Variants in SLC17A1 observed in about 807,000 individuals in gnomAD.
SLC17A1 encodes the protein sodium-dependent phosphate transport protein 1.
A neutral mutation model predicts 53.5 loss-of-function variants in SLC17A1; 51 were observed. The ratio of observed to expected loss-of-function variants is 0.95; its 90% confidence interval spans 0.76 to 1.20. The LOEUF (loss-of-function observed/expected upper bound fraction) is 1.20. Ranked by LOEUF, SLC17A1 falls within the 50% of genes most tolerant of loss-of-function variation. SLC17A1 has a pLI of 0.00. For synonymous variants in SLC17A1, 179 were observed against 198.8 expected (o/e 0.90, Z 0.84); for missense variants, 538 against 568.2 (o/e 0.95, Z 0.54).
the SLC17A1 span, among the ~76,000 whole-genome samples, chr6:25,729,704 C>CT: frequency 5.9e-5 from 9 of 151,272 alleles, no homozygotes; most frequent in African/African-American, 1.5e-4. Context: ...TATTTTTTAA[C>CT]TTTTTTTGTT....
chr6:25,730,221 C>A, the SLC17A1 span, among the ~76,000 whole-genome samples: 2 of 152,106 alleles, frequency 1.3e-5, no homozygotes, highest in Non-Finnish European at 2.9e-5. Flanking sequence ...ATGTTCATTG[C>A]AGAATTATTC....
At chr6:25,796,105 T>C (rs1235213241) in intron 12 of SLC17A1, among the ~76,000 whole-genome samples, 2 of 152,184 alleles carry the variant, frequency 1.3e-5, no homozygotes, top group Non-Finnish European at 2.9e-5. Context: ...AAATAGAGGA[T>C]AAACCTTCGC....
rs202177248 is a variant in SLC17A1 at position 25,811,368 on chromosome 6, G to GT, written c.1178+29dup. On this transcript the variant is annotated intron_variant, in intron 10 of 12. Coordinates refer to ENST00000244527, the MANE Select transcript of SLC17A1 (RefSeq NM_005074.5). ...TATATACAATATTTATTTGTTAAAG[G>GT]TTAAAAAAAAGCGTATAAACAAATC... The GT allele has an allele frequency of 1.9e-3, 3,034 of 1,576,104 alleles. 42 individuals carry two copies. In the African/African-American group the frequency reaches 0.036, roughly 18 times the overall value.
intron 8 of SLC17A1, among the ~76,000 whole-genome samples, chr6:25,812,413 T>C (rs9467613): frequency 0.068 from 10,396 of 152,268 alleles, 394 homozygotes; most frequent in Non-Finnish European, 0.087. Context: ...GACTTGAGTC[T>C]TGGCTTCATA....
At chr6:25,828,381 A>C (rs1764827568) in intron 2 of SLC17A1, among the ~76,000 whole-genome samples, 1 of 152,140 alleles carries the variant, frequency 6.6e-6, no homozygotes. Context: ...GCACATTCAT[A>C]GTTAACTAAG....
chr6:25,819,054 A>G lies in SLC17A1; in HGVS notation c.616+14T>C, dbSNP rs1389283539. 3 of 1,547,984 alleles carry G rather than the reference A, an allele frequency of 1.9e-6. No homozygotes were observed. The East Asian group carries it at 6.8e-5, about 35-fold the overall frequency. ...TTCTGAATAATAACTAGGATTTTACAGAAAGAGACTCACCAAAAATATAGA... is the reference window on the plus strand; with the variant it reads ...TTCTGAATAATAACTAGGATTTTACGGAAAGAGACTCACCAAAAATATAGA... On this transcript the variant is annotated intron_variant, in intron 6 of 12. Coordinates refer to ENST00000244527, the MANE Select transcript of SLC17A1 (RefSeq NM_005074.5).
At chr6:25,827,128 T>C (rs978455398) in intron 2 of SLC17A1, among the ~76,000 whole-genome samples, 3 of 152,138 alleles carry the variant, frequency 2.0e-5, no homozygotes, top group Admixed American at 1.3e-4. Context: ...AACAAGTTCA[T>C]TGATGGAAGA....
chr6:25,776,246 C>T, the SLC17A1 span, among the ~76,000 whole-genome samples: 1 of 152,018 alleles, frequency 6.6e-6, no homozygotes, highest in Non-Finnish European at 1.5e-5. Flanking sequence ...AAGTTGGATA[C>T]CTTTTAACAT....
intron 3 of SLC17A1, among the ~76,000 whole-genome samples, chr6:25,820,632 G>C (rs1241798135): frequency 3.3e-5 from 5 of 152,116 alleles, no homozygotes; most frequent in African/African-American, 1.2e-4. Context: ...TGTAATCCCA[G>C]CACTTTGGGA....
chr6:25,831,615 C>T (rs779893957), intron 1 of SLC17A1, among the ~76,000 whole-genome samples: 1 of 152,012 alleles, frequency 6.6e-6, no homozygotes, highest in Non-Finnish European at 1.5e-5. Context: ...AATACTGCAT[C>T]CTCAAAACGG....
rs1764492352 is a variant in SLC17A1 at position 25,819,902 on chromosome 6, T to G, written c.221A>C (p.Asn74Thr). The change falls in exon 4 of 13, where the codon AAT becomes ACT. Residue 74 changes from asparagine to threonine, a missense_variant. Coordinates refer to ENST00000244527, the MANE Select transcript of SLC17A1 (RefSeq NM_005074.5). ...LLDNIKNPMY[N>T]WSPDIQGIIL... ...GATTCCCTGGATATCTGGGCTCCAATTATACATAGGGTTCTAAAAGACAAG... is the reference window on the plus strand; with the variant it reads ...GATTCCCTGGATATCTGGGCTCCAAGTATACATAGGGTTCTAAAAGACAAG... 1 of 1,609,562 alleles carries G rather than the reference T, an allele frequency of 6.2e-7. No individual in the cohort carries two copies. The highest frequency in any genetic ancestry group is 2.2e-5 in the East Asian group (1 of 44,850).
At chr6:25,783,345 A>G (rs917946732) in intron 12 of SLC17A1, 127 bp from the exon 13 acceptor site, 2 of 152,202 alleles carry the variant, frequency 1.3e-5, no homozygotes, top group Non-Finnish European at 2.9e-5. Flanking sequence ...ATTTTTCTCA[A>G]GTTGTCTTCC....
At chr6:25,779,033 C>A, downstream of SLC17A1, 1 of 1,613,190 alleles carries the variant, frequency 6.2e-7, no homozygotes, top group East Asian at 2.2e-5. Flanking sequence ...CCGTTAATAA[C>A]TTGTAATTTT....
At chr6:25,827,878 G>A (rs80176492) in intron 2 of SLC17A1, among the ~76,000 whole-genome samples, 9,105 of 152,084 alleles carry the variant, frequency 0.06, 389 homozygotes, top group Non-Finnish European at 0.095. Flanking sequence ...TTCATTTCAC[G>A]TGCAAAACAT....
downstream of SLC17A1, chr6:25,778,046 T>TGATGAATATTC: frequency 2.3e-5 from 36 of 1,573,382 alleles, no homozygotes; most frequent in Non-Finnish European, 2.7e-5. Flanking sequence ...TGAATATTCA[T>TGATGAATATTC]AAAAGAAACC....
At chr6:25,766,749 C>T in the SLC17A1 span, among the ~76,000 whole-genome samples, 1 of 152,170 alleles carries the variant, frequency 6.6e-6, no homozygotes, top group African/African-American at 2.4e-5. Context: ...CACAAAACAC[C>T]TGACTGGTGC....
the SLC17A1 span, chr6:25,773,135 A>C: frequency 1.4e-6 from 1 of 723,548 alleles, no homozygotes; most frequent in Admixed American, 2.1e-5. Flanking sequence ...CTCCCCCATG[A>C]TAGGGCCATG....
chr6:25,763,917 T>A, the SLC17A1 span, among the ~76,000 whole-genome samples: 1 of 152,186 alleles, frequency 6.6e-6, no homozygotes, highest in African/African-American at 2.4e-5. Context: ...AATCTAGGTA[T>A]TTCTGAGAAG....
At chr6:25,731,874 G>A in the SLC17A1 span, 7 of 1,603,060 alleles carry the variant, frequency 4.4e-6, no homozygotes, top group South Asian at 5.5e-5. Flanking sequence ...GCGCACGGCC[G>A]TCTGGATCTC....
Sources: allele counts gnomAD v4.1 joint callset (sites outside exome capture counted in the v4.1 genomes callset), GRCh38; gene constraint gnomAD v4.1.1; transcripts MANE v1.5; gene names NCBI Gene and HGNC (gene_info 2026-07-23, HGNC 2026-07-21).